Variants in DCTN1 observed in about 807,000 individuals in gnomAD.
DCTN1 encodes dynactin subunit 1, also known as 150 kDa dynein-associated polypeptide.
In DCTN1, 61 loss-of-function variants were observed where a neutral mutation model predicts 161.2. The ratio of observed to expected loss-of-function variants is 0.38; its 90% CI spans 0.31 to 0.47. DCTN1 has a LOEUF of 0.47. Ranked by LOEUF, DCTN1 falls within the 20% of genes least tolerant of loss-of-function variation. The pLI, the probability that DCTN1 is intolerant of heterozygous loss-of-function variation, is 0.99. For synonymous variants in DCTN1, 653 were observed against 632.4 expected (o/e 1.03, Z -0.49); for missense variants, 1,404 against 1,623.7 (o/e 0.86, Z 2.33).
rs187711327 is a variant in DCTN1, at chr2:74,368,593, A to G, written c.1854+135T>C. 4 of 1,154,100 alleles carry G rather than the reference A, an allele frequency of 3.5e-6. No individual in the cohort carries two copies. In the East Asian group the frequency reaches 1.0e-4, roughly 29 times the overall value. 71.5% of individuals were successfully genotyped at this position (1,154,100 alleles called of 1,614,324 possible). A position where few individuals can be genotyped will look rare whatever the true frequency, so the allele number is the denominator to read the frequency against. On this transcript the variant is annotated intron_variant, in intron 16 of 31. Coordinates refer to ENST00000628224, the MANE Select transcript of DCTN1 (RefSeq NM_004082.5). ...CATTTGTAATATATATTAATCGGTG[A>G]CTTTGCTGTGTTCCTCCACTATACC...
chr2:74,370,934 T>G lies in DCTN1; in HGVS notation c.843+45A>C. On this transcript the variant is annotated intron_variant, in intron 9 of 31. Transcript: ENST00000628224. This position sits in a 1 kb window ranked among gnomAD's most constrained non-coding sequence, Gnocchi z 4.4. ...CAGTCTAGTTTCCAGCATGCTTCCTTAGGTCTCAGGCTGCCCCAGCCACCC... is the reference window on the plus strand; with the variant it reads ...CAGTCTAGTTTCCAGCATGCTTCCTGAGGTCTCAGGCTGCCCCAGCCACCC... 3 of 1,613,260 alleles carry G rather than the reference T, an allele frequency of 1.9e-6. No homozygotes were observed. Among genetic ancestry groups the G allele is most frequent in the Non-Finnish European group, 2.5e-6 (3 of 1,180,006 alleles).
intron 1 of DCTN1, chr2:74,391,585 CAGG>C (rs1177686523): frequency 5.8e-6 from 2 of 343,310 alleles, no homozygotes; most frequent in East Asian, 8.6e-5. Context: ...ACTCTGATCC[CAGG>C]AGAACAATGC....
chr2:74,373,510 C>T (rs1184889127), intron 6 of DCTN1: 3 of 182,674 alleles, frequency 1.6e-5, no homozygotes, highest in African/African-American at 7.1e-5. Context: ...AACCCCCTTC[C>T]CCAGAACCAG....
chr2:74,365,127 G>C lies in DCTN1; in HGVS notation c.3144C>G (p.Leu1048=). ...NSQSKRTIEG[L]RGPPPSGIAT... ...CAATGCCTGAAGGAGGAGGGCCCCG[G>C]AGTCCCTCAATCGTGCGTTTGGACT... The change falls in exon 26 of 32, where the codon CTC becomes CTG. Residue 1048 remains leucine (L), a synonymous_variant. Coordinates refer to ENST00000628224, the MANE Select transcript of DCTN1 (RefSeq NM_004082.5). 1 of 1,614,150 alleles carries C rather than the reference G, an allele frequency of 6.2e-7. No individual in the cohort carries two copies. Among genetic ancestry groups the C allele is most frequent in the Non-Finnish European group, 8.5e-7 (1 of 1,180,032 alleles).
rs138149491 is a variant in DCTN1 at position 74,390,045 on chromosome 2, C to T, written c.-19+1749G>A. Among the ~76,000 whole-genome samples the T allele has an allele frequency of 2.0e-5, 3 of 152,280 alleles. No individual in the cohort carries two copies. The East Asian group carries it at 5.8e-4, about 29-fold the overall frequency. On this transcript the variant is annotated intron_variant, in intron 1 of 27. Coordinates refer to the DCTN1 transcript ENST00000409240. ...TATAATCAAACAATCCTGGATTCAA[C>T]AGATGCAGTCCCATCTCTGCACCAG...
chr2:74,363,318 G>C lies in DCTN1; in HGVS notation c.3321C>G (p.Leu1107=). Residue 1107 remains leucine (L), a synonymous_variant, in exon 28 of 32, where the codon CTC becomes CTG. Transcript: ENST00000628224. ...CCTTGAGGATGCTGTTCTCATGCTG[G>C]AGCTGGGAGATGTGCAGCCTCATGG... ...ISAMRLHISQ[L]QHENSILKGA... 1 of 1,613,850 alleles carries C rather than the reference G, an allele frequency of 6.2e-7. No individual in the cohort carries two copies. The highest frequency in any genetic ancestry group is 8.5e-7 in the Non-Finnish European group (1 of 1,179,914).
chr2:74,373,077 C>G, intron 6 of DCTN1, 129 bp from the exon 7 acceptor site: 1 of 818,864 alleles, frequency 1.2e-6, no homozygotes, highest in East Asian at 2.6e-5. Context: ...GTTAGCCACC[C>G]TCCCCCCCAT....
rs754089994 is a variant in DCTN1 at position 74,365,214 on chromosome 2, G to A, written c.3057C>T (p.Leu1019=). The change falls in exon 26 of 32, where the codon CTC becomes CTT. Residue 1019 remains leucine (L), a synonymous_variant. Transcript: ENST00000628224. ...CCTCCAGCTGGTCGATGTCAGCCTG[G>A]AGTGCATCCATTGTCTCCTCAAACT... ...EKEFEETMDA[L]QADIDQLEAE... is the part of the protein sequence containing the mutation. 1 of 1,614,202 alleles carries A rather than the reference G, an allele frequency of 6.2e-7. No homozygotes were observed. The highest frequency in any genetic ancestry group is 8.5e-7 in the Non-Finnish European group (1 of 1,180,050).
rs773517017 is a variant in DCTN1 at position 74,368,824 on chromosome 2, G to T, written c.1758C>A (p.Ser586=). The T allele has an allele frequency of 6.2e-7, 1 of 1,614,268 alleles. No homozygotes were observed. The highest frequency in any genetic ancestry group is 8.5e-7 in the Non-Finnish European group (1 of 1,180,058). ...TGTCAGGCATGAAGGCTGTCAGCAGGGACATGTGTCGATTGGCCTGGGCCA... is the reference window on the plus strand; with the variant it reads ...TGTCAGGCATGAAGGCTGTCAGCAGTGACATGTGTCGATTGGCCTGGGCCA... ...MEVAQANRHM[S]LLTAFMPDSF... Residue 586 remains serine, a synonymous_variant, in exon 16 of 32, where the codon TCC becomes TCA. Coordinates refer to ENST00000628224, the MANE Select transcript of DCTN1 (RefSeq NM_004082.5).
chr2:74,367,321 G>A (rs371023649), intron 19 of DCTN1, 31 bp downstream of exon 19: 57 of 1,611,716 alleles, frequency 3.5e-5, no homozygotes, highest in East Asian at 4.5e-5. Flanking sequence ...TGATCTCCAC[G>A]GGGGCTCAAT....
chr2:74,381,054 T>C (rs1334898165), upstream of DCTN1, among the ~76,000 whole-genome samples: 1 of 152,250 alleles, frequency 6.6e-6, no homozygotes, highest in East Asian at 1.9e-4. Flanking sequence ...GTTTATTTTC[T>C]ACGCTTTTGT....
intron 30 of DCTN1, among the ~76,000 whole-genome samples, 156 bp from the exon 31 acceptor site, chr2:74,362,297 C>A (rs1386160809): frequency 5.3e-5 from 8 of 152,180 alleles, no homozygotes; most frequent in African/African-American, 1.9e-4. Flanking sequence ...CCCATCCCCA[C>A]ACCAGCACTC....
chr2:74,388,207 C>G (rs1675829861), intron 1 of DCTN1, among the ~76,000 whole-genome samples: 1 of 151,446 alleles, frequency 6.6e-6, no homozygotes, highest in Non-Finnish European at 1.5e-5. Context: ...AAAAACAAAA[C>G]AAAACAAAAA....
upstream of DCTN1, chr2:74,380,410 G>T: frequency 6.0e-6 from 3 of 500,508 alleles, no homozygotes; most frequent in Non-Finnish European, 4.1e-6. Context: ...CTGGGCATAC[G>T]CCACAGACCC....
intron 4 of DCTN1, 120 bp from the exon 5 acceptor site, chr2:74,376,882 A>C: frequency 1.2e-6 from 1 of 847,288 alleles, no homozygotes; most frequent in Non-Finnish European, 2.0e-6. Context: ...TGAGATGAGT[A>C]GCCCCTCAAA....
Position 74,368,856 on chromosome 2 carries a change from T to C in DCTN1, c.1726A>G (p.Met576Val), listed in dbSNP as rs2103641007. The stretch of plus-strand genomic sequence containing the variant: ...TGTCGATTGGCCTGGGCCACCTCCA[T>C]CTGCCTCAATTCCATCTCAATTGCC... The part of the protein sequence containing the change: ...AKAIEMELRQ[M>V]EVAQANRHMS... The change falls in exon 16 of 32, where the codon ATG (methionine) becomes GTG (valine). Residue 576 changes from methionine (M) to valine (V), a missense_variant. Met to Val is a conservative substitution (Grantham distance 21). Coordinates refer to ENST00000628224, the MANE Select transcript of DCTN1 (RefSeq NM_004082.5). 1.2e-6 allele frequency: 2 copies of C among 1,614,274 alleles called. No homozygotes were observed. The highest frequency in any genetic ancestry group is 1.7e-6 in the Non-Finnish European group (2 of 1,180,048).
At chr2:74,374,867 C>A (rs1290642620) in intron 5 of DCTN1, 21 of 545,616 alleles carry the variant, frequency 3.8e-5, no homozygotes, top group Non-Finnish European at 5.0e-5. Context: ...CCTTGCCCAC[C>A]CCCAAGAGCG....
intron 7 of DCTN1, 180 bp from the exon 8 acceptor site, chr2:74,371,908 G>C (rs1674889260): frequency 1.7e-6 from 1 of 605,436 alleles, no homozygotes; most frequent in African/African-American, 1.8e-5. Flanking sequence ...ATGATACAGA[G>C]AGGCAGAGAG....
upstream of DCTN1, chr2:74,380,543 C>A (rs1311835051): frequency 1.3e-5 from 6 of 472,316 alleles, no homozygotes; most frequent in Admixed American, 1.2e-4. Context: ...CTCAGCAGGC[C>A]CATAAGCATC....
Sources: allele counts gnomAD v4.1 joint callset (sites outside exome capture counted in the v4.1 genomes callset), GRCh38; gene constraint gnomAD v4.1.1; non-coding constraint Gnocchi (gnomAD v3.1); transcripts MANE v1.5; gene names NCBI Gene and HGNC (gene_info 2026-07-23, HGNC 2026-07-21).